UBE2L6: variants seen among roughly 807,000 people sequenced by gnomAD.
The protein encoded by UBE2L6 is ubiquitin/ISG15-conjugating enzyme E2 L6.
UBE2L6 carries 11 observed loss-of-function variants against 13.6 expected under a neutral mutation model. The observed-to-expected ratio is 0.81, with a 90% CI of 0.51 to 1.34. The LOEUF (loss-of-function observed/expected upper bound fraction) is 1.34. Ranked by LOEUF, UBE2L6 falls within the 40% of genes most tolerant of loss-of-function variation. The pLI, the probability that UBE2L6 is intolerant of heterozygous loss-of-function variation, is 0.00. For missense variants in UBE2L6, 197 were observed against 199.5 expected (o/e 0.99, Z 0.07); for synonymous variants, 74 against 83.2 (o/e 0.89, Z 0.60).
chr11:57,555,615 C>T (rs1179082305), intron 2 of UBE2L6, among the ~76,000 whole-genome samples: 1 of 152,178 alleles, frequency 6.6e-6, no homozygotes, highest in Non-Finnish European at 1.5e-5. Context: ...CTCGCTCTGT[C>T]ACCCAGGCTG....
rs753233316 is a variant in UBE2L6, at chr11:57,560,441, G to C, written c.28-9C>G. 1.2e-6 allele frequency: 2 copies of C among 1,605,792 alleles called. No homozygotes were observed. Among genetic ancestry groups the C allele is most frequent in the African/African-American group, 2.7e-5 (2 of 74,714 alleles). On this transcript the variant is annotated splice_polypyrimidine_tract_variant and intron_variant, in intron 1 of 3. Coordinates refer to ENST00000287156, the MANE Select transcript of UBE2L6 (RefSeq NM_004223.5). ...TGAAGATCCTCCAGCTCCTGCAGGGGACACAAGTGAGTGGGCAGTTGGCCT... is the reference window on the plus strand; with the variant it reads ...TGAAGATCCTCCAGCTCCTGCAGGGCACACAAGTGAGTGGGCAGTTGGCCT...
At chr11:57,567,302 A>T in intron 1 of UBE2L6, 1 of 547,590 alleles carries the variant, frequency 1.8e-6, no homozygotes. Context: ...CACAAGTTTC[A>T]GGCAGGAAAA....
intron 1 of UBE2L6, among the ~76,000 whole-genome samples, chr11:57,563,940 C>G (rs528885437): frequency 6.6e-6 from 1 of 152,146 alleles, no homozygotes; most frequent in Non-Finnish European, 1.5e-5. Context: ...ATGAAGTATG[C>G]CTACAGGATC....
intron 1 of UBE2L6, among the ~76,000 whole-genome samples, chr11:57,566,050 T>TGG (rs1193510051): frequency 6.6e-5 from 10 of 152,182 alleles, no homozygotes; most frequent in African/African-American, 2.4e-4. Context: ...GCCCTTCATT[T>TGG]ATCTTTACCC....
chr11:57,567,174 C>A, intron 1 of UBE2L6: 1 of 462,698 alleles, frequency 2.2e-6, no homozygotes, highest in South Asian at 1.6e-5. Context: ...GGGCTTATTC[C>A]AAGGCAAGGA....
intron 1 of UBE2L6, among the ~76,000 whole-genome samples, chr11:57,565,105 G>A (rs1396988039): frequency 2.6e-5 from 4 of 151,928 alleles, no homozygotes; most frequent in Admixed American, 2.0e-4. Flanking sequence ...AGCCAGGCGT[G>A]ATGGTGCCTG....
chr11:57,566,008 C>G (rs1021204653), intron 1 of UBE2L6, among the ~76,000 whole-genome samples: 6 of 150,832 alleles, frequency 4.0e-5, no homozygotes, highest in Non-Finnish European at 1.5e-5. Flanking sequence ...AACCAATAAG[C>G]TGCTTCTGGT....
At chr11:57,567,447 G>A in intron 1 of UBE2L6, 138 bp downstream of exon 1, 1 of 1,240,052 alleles carries the variant, frequency 8.1e-7, no homozygotes. Flanking sequence ...AGAGGGCGGG[G>A]AGGACAGGGA....
chr11:57,562,633 G>A (rs761302805), intron 1 of UBE2L6, among the ~76,000 whole-genome samples: 3 of 152,236 alleles, frequency 2.0e-5, no homozygotes, highest in Non-Finnish European at 1.5e-5. Context: ...AGCACGGAGA[G>A]TAAGACTCCA....
At chr11:57,561,031 G>A (rs1945042054) in intron 1 of UBE2L6, among the ~76,000 whole-genome samples, 1 of 152,124 alleles carries the variant, frequency 6.6e-6, no homozygotes, top group Non-Finnish European at 1.5e-5. Context: ...TTAAAACTTG[G>A]GAGTAAGTGC....
At chr11:57,567,776 A>C (rs1945105875), upstream of UBE2L6, 1 of 792,790 alleles carries the variant, frequency 1.3e-6, no homozygotes, top group Non-Finnish European at 1.8e-6. Context: ...CGGCGAGGCC[A>C]GGAGGCCGTC....
chr11:57,559,304 C>T (rs1201919501), intron 2 of UBE2L6, among the ~76,000 whole-genome samples: 1 of 152,072 alleles, frequency 6.6e-6, no homozygotes, highest in Non-Finnish European at 1.5e-5. Flanking sequence ...ACCTAGGCCA[C>T]TGCATTGTCA....
At position 57,552,488 on chromosome 11, in the gene UBE2L6, A is replaced by C; in HGVS notation, c.332T>G (p.Leu111Arg). Residue 111 changes from leucine (L) to arginine (R), a missense_variant, in exon 4 of 4, where the codon CTG becomes CGG. Physicochemically the swap from Leu to Arg is moderately radical, Grantham distance 102 (BLOSUM62 -2). Coordinates refer to ENST00000287156, the MANE Select transcript of UBE2L6 (RefSeq NM_004223.5). ...TCQVLEALNV[L>R]VNRPNIREPL... The stretch of plus-strand genomic sequence containing the variant: ...CTCCCTGATATTCGGTCTATTCACC[A>C]GCACATTGAGGGCCTCCAGGACTGG... The C allele has an allele frequency of 6.2e-7, 1 of 1,614,212 alleles. No homozygotes were observed. Among genetic ancestry groups the C allele is most frequent in the Non-Finnish European group, 8.5e-7 (1 of 1,180,040 alleles).
rs770937454 is a variant in UBE2L6 at position 57,552,383 on chromosome 11, C to T, written c.437G>A (p.Arg146Gln). 2.2e-5 allele frequency: 36 copies of T among 1,614,086 alleles called. No homozygotes were observed. The East Asian group carries it at 6.0e-4, about 27-fold the overall frequency. The change falls in exon 4 of 4, where the codon CGA (arginine) becomes CAA (glutamine). Residue 146 changes from arginine to glutamine, a missense_variant. Coordinates refer to ENST00000287156, the MANE Select transcript of UBE2L6 (RefSeq NM_004223.5). ...FRKNAEEFTL[R>Q]FGVDRPS ...TTAGGAGGGCCGGTCCACTCCGAATCGGAGGGTGAACTCTTCGGCATTCTT... is the reference window on the plus strand; with the variant it reads ...TTAGGAGGGCCGGTCCACTCCGAATTGGAGGGTGAACTCTTCGGCATTCTT...
In UBE2L6 at chr11:57,556,704, C is replaced by A. The variant is rs538155961; in HGVS notation, c.124-2081G>T. 1.6e-4 allele frequency among the ~76,000 whole-genome samples: 24 copies of A among 151,622 alleles called. No homozygotes were observed. The South Asian group carries it at 5.0e-3, about 31-fold the overall frequency. On this transcript the variant is annotated intron_variant, in intron 2 of 3. Transcript: ENST00000287156. ...AGGAGAAAAGGCTGTGCCTATCAGT[C>A]AGAGAAGGCCAACAGCTGAGGCCTC... is the stretch of plus-strand genomic sequence containing the variant.
chr11:57,558,506 C>T (rs540333258), intron 2 of UBE2L6, among the ~76,000 whole-genome samples: 2 of 152,188 alleles, frequency 1.3e-5, no homozygotes, highest in East Asian at 3.8e-4. Context: ...GTTACTTAAC[C>T]TCCTTGGTTT....
intron 3 of UBE2L6, among the ~76,000 whole-genome samples, chr11:57,553,711 A>G (rs1565158280): frequency 2.0e-5 from 3 of 152,094 alleles, no homozygotes; most frequent in African/African-American, 4.8e-5. Context: ...CTGTAATTCC[A>G]GCTATTCAAG....
intron 3 of UBE2L6, among the ~76,000 whole-genome samples, chr11:57,552,937 C>G (rs1043914729): frequency 3.9e-5 from 6 of 152,198 alleles, no homozygotes; most frequent in Non-Finnish European, 7.3e-5. Flanking sequence ...CTTTGGGAAC[C>G]TAGTGAAGGC....
chr11:57,555,650 C>T (rs1944991666), intron 2 of UBE2L6, among the ~76,000 whole-genome samples: 1 of 152,184 alleles, frequency 6.6e-6, no homozygotes, highest in Admixed American at 6.5e-5. Context: ...TATCATTGCT[C>T]ACTGTAATCT....
Sources: allele counts gnomAD v4.1 joint callset (sites outside exome capture counted in the v4.1 genomes callset), GRCh38; gene constraint gnomAD v4.1.1; transcripts MANE v1.5; gene names NCBI Gene and HGNC (gene_info 2026-07-23, HGNC 2026-07-21).